CEBPD: variants seen among roughly 807,000 people sequenced by gnomAD.
The protein encoded by CEBPD is CCAAT enhancer binding protein delta.
For missense variants in CEBPD, 410 were observed against 409.4 expected, an observed-to-expected ratio of 1.00 and a Z score of -0.01; for synonymous variants, 227 against 194.8, an observed-to-expected ratio of 1.17 and a Z score of -1.38.
At position 47,737,893 on chromosome 8, in the gene CEBPD, C is replaced by T. The variant is rs746901679; in HGVS notation, c.228G>A (p.Leu76=). Residue 76 remains leucine (L), a synonymous_variant, in exon 1 of 1, where the codon CTG becomes CTA. Transcript: ENST00000408965. ...GGTCGGCGAAGAGCTCGTCGTGGCA[C>T]AGCTCCAGGGTGGGCACGGCGGCCA... ...DSMAAVPTLE[L]CHDELFADLF... 6.6e-7 allele frequency: 1 copy of T among 1,515,024 alleles called. No homozygotes were observed. The highest frequency in any genetic ancestry group is 2.7e-5 in the East Asian group (1 of 36,468). 93.8% of individuals were successfully genotyped at this position (1,515,024 alleles called of 1,614,324 possible). A position where few individuals can be genotyped will look rare whatever the true frequency, so the allele number is the denominator to read the frequency against.
rs1285504958 is a variant in CEBPD at position 47,737,386 on chromosome 8, G to T, written c.735C>A (p.Ala245=). Residue 245 remains alanine, a synonymous_variant, in exon 1 of 1, where the codon GCC becomes GCA. Coordinates refer to ENST00000408965, the MANE Select transcript of CEBPD (RefSeq NM_005195.4). ...QRVEQLTRDL[A]GLRQFFKQLP... is the part of the protein sequence containing the mutation. ...GCTGCTTGAAGAACTGCCGGAGGCC[G>T]GCCAGGTCCCGCGTGAGCTGCTCCA... The T allele has an allele frequency of 1.0e-5, 16 of 1,600,934 alleles. No homozygotes were observed. The highest frequency in any genetic ancestry group is 1.2e-5 in the Non-Finnish European group (14 of 1,175,876).
chr8:47,737,601 G>T lies in CEBPD; in HGVS notation c.520C>A (p.Pro174Thr), dbSNP rs1212650949. The T allele has an allele frequency of 3.4e-6, 5 of 1,459,022 alleles. No individual in the cohort carries two copies. In the Admixed American group the frequency reaches 1.0e-4, roughly 30 times the overall value. 90.4% of individuals were successfully genotyped at this position (1,459,022 alleles called of 1,614,324 possible). A position where few individuals can be genotyped will look rare whatever the true frequency, so the allele number is the denominator to read the frequency against. The change falls in exon 1 of 1, where the codon CCC becomes ACC. Residue 174 changes from proline (P) to threonine (T), a missense_variant. Physicochemically the swap from Pro to Thr is conservative, Grantham distance 38. Transcript: ENST00000408965. ...PRSSPRQTPA[P>T]GPAREKSAGK... ...GCGCTCTTCTCCCGGGCGGGGCCGGGCGCGGGGGTCTGCCTGGGGCTGCTG... is the reference window on the plus strand; with the variant it reads ...GCGCTCTTCTCCCGGGCGGGGCCGGTCGCGGGGGTCTGCCTGGGGCTGCTG...
In CEBPD at chr8:47,737,676, A is replaced by G. The variant is rs934129219; in HGVS notation, c.445T>C (p.Leu149=). 10 of 1,239,868 alleles carry G rather than the reference A, an allele frequency of 8.1e-6. No individual in the cohort carries two copies. The highest frequency in any genetic ancestry group is 8.0e-6 in the Non-Finnish European group (8 of 995,972). The allele number at this position is 1,239,868 out of a possible 1,614,324, so 76.8% of individuals were successfully genotyped here. A position where few individuals can be genotyped will look rare whatever the true frequency, so the allele number is the denominator to read the frequency against. Residue 149 remains leucine (L), a synonymous_variant, in exon 1 of 1, where the codon TTG becomes CTG. Coordinates refer to ENST00000408965, the MANE Select transcript of CEBPD (RefSeq NM_005195.4). The part of the protein sequence containing the change: ...VAACAQTVVS[L]AAAGQPTPPT... The stretch of plus-strand genomic sequence containing the variant: ...GGGGTGGGCTGCCCTGCGGCCGCCA[A>G]GCTCACCACGGTCTGTGCGCACGCG...
In CEBPD at chr8:47,737,362, C is replaced by T. The variant is rs749518684; in HGVS notation, c.759G>A (p.Gln253=). The part of the protein sequence containing the change: ...DLAGLRQFFK[Q]LPSPPFLPAA... ...CCGGCAGGAAGGGCGGGCTGGGCAG[C>T]TGCTTGAAGAACTGCCGGAGGCCGG... The change falls in exon 1 of 1, where the codon CAG becomes CAA. Residue 253 remains glutamine, a synonymous_variant. Transcript: ENST00000408965. 1.9e-6 allele frequency: 3 copies of T among 1,598,738 alleles called. No individual in the cohort carries two copies. The highest frequency in any genetic ancestry group is 1.1e-5 in the South Asian group (1 of 89,422).
In CEBPD at chr8:47,737,808, G is replaced by A. The variant is rs766735701; in HGVS notation, c.313C>T (p.Pro105Ser). The change falls in exon 1 of 1, where the codon CCC becomes TCC. Residue 105 changes from proline (P) to serine (S), a missense_variant. Transcript: ENST00000408965. Reference protein sequence around the residue: ...AGPLELLPGGPARPLGPGPAA... With the variant: ...AGPLELLPGGSARPLGPGPAA... Reference sequence around the variant, plus strand: ...GGGCCCGGGCCCAAGGGGCGCGCGGGGCCGCCGGGAAGAAGCTCCAGGGGC... The same window carrying A: ...GGGCCCGGGCCCAAGGGGCGCGCGGAGCCGCCGGGAAGAAGCTCCAGGGGC... 2,074 of 1,368,384 alleles carry A rather than the reference G, an allele frequency of 1.5e-3. 4 individuals are homozygous for A. The highest frequency in any genetic ancestry group is 2.2e-3 in the Admixed American group (61 of 27,198). The allele number at this position is 1,368,384 out of a possible 1,614,324, so 84.8% of individuals were successfully genotyped here. A position where few individuals can be genotyped will look rare whatever the true frequency, so the allele number is the denominator to read the frequency against.
At position 47,737,102 on chromosome 8, in the gene CEBPD, AATAAT is replaced by A; in HGVS notation, c.*204_*208del. 2.1e-6 allele frequency: 1 copy of A among 477,946 alleles called. No homozygotes were observed. The highest frequency in any genetic ancestry group is 3.5e-5 in the East Asian group (1 of 28,530). 29.6% of individuals were successfully genotyped at this position (477,946 alleles called of 1,614,324 possible). A position where few individuals can be genotyped will look rare whatever the true frequency, so the allele number is the denominator to read the frequency against. ...ATGTAGAAAAAGCTACCATTACAAA[AATAAT>A]TTAAGGGAAAATAAACACGTTTAGC... On this transcript the variant is annotated 3_prime_UTR_variant, in exon 1 of 1. Coordinates refer to ENST00000408965, the MANE Select transcript of CEBPD (RefSeq NM_005195.4).
Position 47,737,980 on chromosome 8 carries a change from G to T in CEBPD, c.141C>A (p.Ala47=), listed in dbSNP as rs1444464887. 1 of 1,468,244 alleles carries T rather than the reference G, an allele frequency of 6.8e-7. No individual in the cohort carries two copies. The highest frequency in any genetic ancestry group is 9.1e-7 in the Non-Finnish European group (1 of 1,104,922). 91.0% of individuals were successfully genotyped at this position (1,468,244 alleles called of 1,614,324 possible). ...AEPGALGEPG[A]AAPAMYDDES... is the part of the protein sequence containing the mutation. ...CGTCGTCGTACATGGCGGGGGCGGC[G>T]GCGCCTGGCTCGCCTAGGGCCCCTG... Residue 47 remains alanine, a synonymous_variant, in exon 1 of 1, where the codon GCC becomes GCA. Coordinates refer to ENST00000408965, the MANE Select transcript of CEBPD (RefSeq NM_005195.4).
Position 47,737,167 on chromosome 8 carries a change from G to T in CEBPD, c.*144C>A. 1.6e-6 allele frequency: 1 copy of T among 639,418 alleles called. No individual in the cohort carries two copies. The highest frequency in any genetic ancestry group is 2.5e-6 in the Non-Finnish European group (1 of 392,224). 39.6% of individuals were successfully genotyped at this position (639,418 alleles called of 1,614,324 possible). A position where few individuals can be genotyped will look rare whatever the true frequency, so the allele number is the denominator to read the frequency against. On this transcript the variant is annotated 3_prime_UTR_variant, in exon 1 of 1. Transcript: ENST00000408965. ...AGTTTAGTGGTGGTAAGTCCAGGCT[G>T]TAGCTTCTTTGCGCTCCTATGTCCC...
chr8:47,736,945 AC>A lies in CEBPD; in HGVS notation c.*365del, dbSNP rs1293254053. The A allele has an allele frequency of 4.8e-6, 1 of 206,328 alleles. No homozygotes were observed. The highest frequency in any genetic ancestry group is 2.3e-5 in the African/African-American group (1 of 43,518). 12.8% of individuals were successfully genotyped at this position (206,328 alleles called of 1,614,324 possible). A position where few individuals can be genotyped will look rare whatever the true frequency, so the allele number is the denominator to read the frequency against. Reference sequence around the variant, plus strand: ...CAAATGCTGCTTTATTCTTACAAATACTGTAAAAATTAATATAAAAAAGTGA... The same window carrying A: ...CAAATGCTGCTTTATTCTTACAAATATGTAAAAATTAATATAAAAAAGTGA... On this transcript the variant is annotated 3_prime_UTR_variant, in exon 1 of 1. Transcript: ENST00000408965.
chr8:47,738,081 C>G lies in CEBPD; in HGVS notation c.40G>C (p.Gly14Arg). The stretch of plus-strand genomic sequence containing the variant: ...GCAGGCTCCGCAGGCCAGGGCGCGC[C>G]GCGCGCCGGGCCGTCCAGGCTGAAG... ...ALFSLDGPAR[G>R]APWPAEPAPF... The change falls in exon 1 of 1, where the codon GGC (glycine) becomes CGC (arginine). Residue 14 changes from glycine (G) to arginine (R), a missense_variant. Coordinates refer to ENST00000408965, the MANE Select transcript of CEBPD (RefSeq NM_005195.4). This position sits in a 1 kb window ranked among gnomAD's most constrained non-coding sequence, Gnocchi z 4.1. 1 of 1,194,180 alleles carries G rather than the reference C, an allele frequency of 8.4e-7. No individual in the cohort carries two copies. The highest frequency in any genetic ancestry group is 1.0e-6 in the Non-Finnish European group (1 of 964,952). The allele number at this position is 1,194,180 out of a possible 1,614,324, so 74.0% of individuals were successfully genotyped here.
rs1481289688 is a variant in CEBPD, at chr8:47,737,515, G to A, written c.606C>T (p.Asn202=). The change falls in exon 1 of 1, where the codon AAC becomes AAT. Residue 202 remains asparagine (N), a synonymous_variant. Transcript: ENST00000408965. ...PEYRQRRERN[N]IAVRKSRDKA... The stretch of plus-strand genomic sequence containing the variant: ...TGTCGCGGCTCTTGCGCACGGCGAT[G>A]TTGTTGCGCTCGCGCCGCTGCCGGT... The A allele has an allele frequency of 1.2e-6, 2 of 1,605,354 alleles. No homozygotes were observed. The highest frequency in any genetic ancestry group is 1.7e-6 in the Non-Finnish European group (2 of 1,177,960).
In CEBPD at chr8:47,737,450, A is replaced by T. The variant is rs1306429358; in HGVS notation, c.671T>A (p.Val224Glu). 3 of 1,608,320 alleles carry T rather than the reference A, an allele frequency of 1.9e-6. No individual in the cohort carries two copies. The highest frequency in any genetic ancestry group is 2.5e-6 in the Non-Finnish European group (3 of 1,178,874). Residue 224 changes from valine (V) to glutamate (E), a missense_variant, in exon 1 of 1, where the codon GTG becomes GAG. By Grantham distance (121) the Val-to-Glu change is moderately radical. Coordinates refer to ENST00000408965, the MANE Select transcript of CEBPD (RefSeq NM_005195.4). ...CTTCTCGTTCTCAGCCGACAGCTCC[A>T]CCAACTTCTGCTGCATCTCCTGGTT... ...RRNQEMQQKL[V>E]ELSAENEKLH...
rs568242672 is a variant in CEBPD, at chr8:47,737,070, G to A, written c.*241C>T. On this transcript the variant is annotated 3_prime_UTR_variant, in exon 1 of 1. Transcript: ENST00000408965. ...AAATGTACCTTAGCTGCATCAACAG[G>A]AGTAAGATGTAGAAAAAGCTACCAT... The A allele has an allele frequency of 1.3e-5, 6 of 464,404 alleles. No homozygotes were observed. In the South Asian group the frequency reaches 2.1e-4, roughly 16 times the overall value. 28.8% of individuals were successfully genotyped at this position (464,404 alleles called of 1,614,324 possible).
chr8:47,737,915 G>A lies in CEBPD; in HGVS notation c.206C>T (p.Ala69Val). 2.6e-6 allele frequency: 4 copies of A among 1,510,548 alleles called. No homozygotes were observed. The highest frequency in any genetic ancestry group is 4.1e-5 in the Admixed American group (2 of 48,990). The allele number at this position is 1,510,548 out of a possible 1,614,324, so 93.6% of individuals were successfully genotyped here. A position where few individuals can be genotyped will look rare whatever the true frequency, so the allele number is the denominator to read the frequency against. Reference sequence around the variant, plus strand: ...GCACAGCTCCAGGGTGGGCACGGCGGCCATGGAGTCGATGTAGGCGCTGAA... The same window carrying A: ...GCACAGCTCCAGGGTGGGCACGGCGACCATGGAGTCGATGTAGGCGCTGAA... The part of the protein sequence containing the change: ...IDFSAYIDSM[A>V]AVPTLELCHD... The change falls in exon 1 of 1, where the codon GCC (alanine) becomes GTC (valine). Residue 69 changes from alanine (A) to valine (V), a missense_variant. Physicochemically the swap from Ala to Val is moderately conservative, Grantham distance 64 (BLOSUM62 0). Transcript: ENST00000408965.
At position 47,737,751 on chromosome 8, in the gene CEBPD, C is replaced by A; in HGVS notation, c.370G>T (p.Asp124Tyr). The A allele has an allele frequency of 8.1e-7, 1 of 1,227,074 alleles. No individual in the cohort carries two copies. Among genetic ancestry groups the A allele is most frequent in the South Asian group, 3.8e-5 (1 of 26,494 alleles). 76.0% of individuals were successfully genotyped at this position (1,227,074 alleles called of 1,614,324 possible). A position where few individuals can be genotyped will look rare whatever the true frequency, so the allele number is the denominator to read the frequency against. The change falls in exon 1 of 1, where the codon GAC (aspartate) becomes TAC (tyrosine). Residue 124 changes from aspartate to tyrosine, a missense_variant. Coordinates refer to ENST00000408965, the MANE Select transcript of CEBPD (RefSeq NM_005195.4). ...AAPRLLKREP[D>Y]WGDGDAPGSL... ...CCGGGCGCGTCGCCGTCGCCCCAGT[C>A]GGGCTCGCGCTTGAGCAGGCGGGGA...
In CEBPD at chr8:47,737,869, G is replaced by A. The variant is rs547621847; in HGVS notation, c.252C>T (p.Asp84=). The change falls in exon 1 of 1, where the codon GAC becomes GAT. Residue 84 remains aspartate (D), a synonymous_variant. Coordinates refer to ENST00000408965, the MANE Select transcript of CEBPD (RefSeq NM_005195.4). ...LELCHDELFA[D]LFNSNHKAGG... The stretch of plus-strand genomic sequence containing the variant: ...CCGCCTTGTGATTGCTGTTGAAGAG[G>A]TCGGCGAAGAGCTCGTCGTGGCACA... 55 of 1,512,618 alleles carry A rather than the reference G, an allele frequency of 3.6e-5. No individual in the cohort carries two copies. Among genetic ancestry groups the A allele is most frequent in the Non-Finnish European group, 4.8e-5 (54 of 1,127,614 alleles). 93.7% of individuals were successfully genotyped at this position (1,512,618 alleles called of 1,614,324 possible).
rs2086265659 is a variant in CEBPD, at chr8:47,737,236, C to A, written c.*75G>T. On this transcript the variant is annotated 3_prime_UTR_variant, in exon 1 of 1. Coordinates refer to ENST00000408965, the MANE Select transcript of CEBPD (RefSeq NM_005195.4). ...CCCGGCGGCTCTGGCTGCGCCAGGG[C>A]AGGGCGCGCTCCGCTCCGGGCCGTC... is the stretch of plus-strand genomic sequence containing the variant. The A allele has an allele frequency of 1.5e-6, 2 of 1,373,534 alleles. No homozygotes were observed. The highest frequency in any genetic ancestry group is 1.5e-5 in the African/African-American group (1 of 66,046). The allele number at this position is 1,373,534 out of a possible 1,614,324, so 85.1% of individuals were successfully genotyped here.
rs764213974 is a variant in CEBPD at position 47,737,466 on chromosome 8, T to C, written c.655A>G (p.Met219Val). The C allele has an allele frequency of 6.2e-7, 1 of 1,608,560 alleles. No individual in the cohort carries two copies. The highest frequency in any genetic ancestry group is 2.2e-5 in the East Asian group (1 of 44,618). The change falls in exon 1 of 1, where the codon ATG becomes GTG. Residue 219 changes from methionine (M) to valine (V), a missense_variant. Transcript: ENST00000408965. The part of the protein sequence containing the change: ...RDKAKRRNQE[M>V]QQKLVELSAE... ...GACAGCTCCACCAACTTCTGCTGCA[T>C]CTCCTGGTTGCGCCGCTTGGCCTTG... is the stretch of plus-strand genomic sequence containing the variant.
chr8:47,737,002 T>C lies in CEBPD; in HGVS notation c.*309A>G, dbSNP rs928083956. ...CTCAGTCTTTTCCTCTTATCTACAA[T>C]ACAAAGGGTTTGTCTGAAAAGTCTG... is the stretch of plus-strand genomic sequence containing the variant. On this transcript the variant is annotated 3_prime_UTR_variant, in exon 1 of 1. Transcript: ENST00000408965. 1 of 348,032 alleles carries C rather than the reference T, an allele frequency of 2.9e-6. No individual in the cohort carries two copies. The highest frequency in any genetic ancestry group is 5.1e-6 in the Non-Finnish European group (1 of 194,290). 21.6% of individuals were successfully genotyped at this position (348,032 alleles called of 1,614,324 possible). A position where few individuals can be genotyped will look rare whatever the true frequency, so the allele number is the denominator to read the frequency against.
Sources: gnomAD v4.1 joint callset for allele counts on GRCh38, gnomAD v4.1.1 for gene constraint, Gnocchi (gnomAD v3.1) non-coding constraint, MANE v1.5 for transcripts, NCBI Gene and HGNC (gene_info 2026-07-23, HGNC 2026-07-21) for gene names.